The following HEMK2 variants were observed in gnomAD, a reference collection of about 807,000 sequenced individuals.
HEMK2 encodes the protein HemK methyltransferase 2, ETF1 glutamine and histone H4 lysine, also known as methyltransferase HEMK2.
the HEMK2 span, among the ~76,000 whole-genome samples, chr21:28,857,310 C>A: frequency 3.0e-4 from 45 of 151,536 alleles, no homozygotes; most frequent in African/African-American, 1.1e-3. Context: ...TAGAGGTTTT[C>A]CTGAAACCAA....
At chr21:28,831,603 G>GA in the HEMK2 span, among the ~76,000 whole-genome samples, 1 of 87,248 alleles carries the variant, frequency 1.1e-5, no homozygotes, top group Admixed American at 1.2e-4. Flanking sequence ...AAGAAGGAAA[G>GA]AAGGAAAGAA....
the HEMK2 span, among the ~76,000 whole-genome samples, chr21:28,723,708 T>C: frequency 6.6e-6 from 1 of 152,178 alleles, no homozygotes; most frequent in Non-Finnish European, 1.5e-5. Flanking sequence ...ATGGGACTGA[T>C]GAAATGAAGG....
the HEMK2 span, among the ~76,000 whole-genome samples, chr21:28,606,814 T>G: frequency 6.6e-6 from 1 of 152,308 alleles, no homozygotes; most frequent in African/African-American, 2.4e-5. Context: ...GAAGTAAAAT[T>G]GTTATAATTA....
chr21:28,871,529 A>C, the HEMK2 span, among the ~76,000 whole-genome samples: 2 of 152,242 alleles, frequency 1.3e-5, no homozygotes, highest in Non-Finnish European at 2.9e-5. Context: ...GAGTGGGGAC[A>C]CAAATCCAAA....
At chr21:28,733,096 G>A in the HEMK2 span, among the ~76,000 whole-genome samples, 1 of 152,018 alleles carries the variant, frequency 6.6e-6, no homozygotes, top group Non-Finnish European at 1.5e-5. Flanking sequence ...TGGCTAACAC[G>A]GTGAAACCCC....
At chr21:28,849,499 T>G in the HEMK2 span, among the ~76,000 whole-genome samples, 1 of 152,138 alleles carries the variant, frequency 6.6e-6, no homozygotes, top group Non-Finnish European at 1.5e-5. Flanking sequence ...CTGCACTAGT[T>G]CCCTAGCAGT....
the HEMK2 span, among the ~76,000 whole-genome samples, chr21:28,771,552 T>C: frequency 7.8e-6 from 1 of 128,110 alleles, no homozygotes; most frequent in Non-Finnish European, 1.6e-5. Flanking sequence ...TACTCCAAAA[T>C]GTCCACAGTG....
At chr21:28,604,006 G>A in the HEMK2 span, among the ~76,000 whole-genome samples, 1 of 152,196 alleles carries the variant, frequency 6.6e-6, no homozygotes, top group African/African-American at 2.4e-5. Flanking sequence ...AACTGCTATA[G>A]GGAGAGGTGA....
At chr21:28,770,663 C>T in the HEMK2 span, among the ~76,000 whole-genome samples, 1 of 148,982 alleles carries the variant, frequency 6.7e-6, no homozygotes, top group African/African-American at 2.4e-5. Context: ...GTTATAAAAG[C>T]AAGTTCAGCT....
chr21:28,843,475 C>T, the HEMK2 span, among the ~76,000 whole-genome samples: 9 of 152,046 alleles, frequency 5.9e-5, no homozygotes, highest in African/African-American at 1.4e-4. Context: ...AGTCCTTATC[C>T]GGGAATTCTG....
At chr21:28,779,884 A>T in the HEMK2 span, among the ~76,000 whole-genome samples, 15 of 150,148 alleles carry the variant, frequency 1.0e-4, no homozygotes, top group South Asian at 1.1e-3. Context: ...TCTTGTTTTT[A>T]AAAAAAAGCC....
the HEMK2 span, among the ~76,000 whole-genome samples, chr21:28,782,516 T>C: frequency 6.6e-6 from 1 of 152,164 alleles, no homozygotes; most frequent in South Asian, 2.1e-4. Flanking sequence ...AAATTATACC[T>C]ATTCAAAAGG....
the HEMK2 span, among the ~76,000 whole-genome samples, chr21:28,576,426 T>C: frequency 6.6e-6 from 1 of 152,122 alleles, no homozygotes; most frequent in African/African-American, 2.4e-5. Flanking sequence ...TATTTTAAAT[T>C]AGGTTTGTCT....
the HEMK2 span, among the ~76,000 whole-genome samples, chr21:28,877,432 G>A: frequency 2.0e-5 from 3 of 146,774 alleles, no homozygotes; most frequent in Admixed American, 6.8e-5. Flanking sequence ...GAAAGAGAGA[G>A]AGAAGGAAGG....
At chr21:28,588,628 C>A in the HEMK2 span, among the ~76,000 whole-genome samples, 2 of 152,052 alleles carry the variant, frequency 1.3e-5, no homozygotes, top group African/African-American at 4.8e-5. Context: ...AAAGAAAGAG[C>A]AACATAGATG....
chr21:28,704,246 A>C, the HEMK2 span, among the ~76,000 whole-genome samples: 1 of 152,130 alleles, frequency 6.6e-6, no homozygotes, highest in Admixed American at 6.5e-5. Flanking sequence ...TGGGGAATAT[A>C]ATTCAGACCA....
chr21:28,688,480 T>C, the HEMK2 span, among the ~76,000 whole-genome samples: 7 of 152,186 alleles, frequency 4.6e-5, no homozygotes, highest in Non-Finnish European at 1.0e-4. Context: ...TATTATATCC[T>C]GGACTCTTGA....
chr21:28,702,364 CA>C, the HEMK2 span, among the ~76,000 whole-genome samples: 1 of 151,742 alleles, frequency 6.6e-6, no homozygotes, highest in African/African-American at 2.4e-5. Context: ...TTCTTCACAG[CA>C]AAAGAAACTA....
At chr21:28,868,630 G>A in the HEMK2 span, among the ~76,000 whole-genome samples, 4 of 152,188 alleles carry the variant, frequency 2.6e-5, no homozygotes. Flanking sequence ...GTTGCCGTGA[G>A]CCAAGTTCAC....
Sources: gnomAD v4.1 joint callset for allele counts (sites outside exome capture counted in the v4.1 genomes callset) on GRCh38, gnomAD v4.1.1 for gene constraint, MANE v1.5 for transcripts, NCBI Gene and HGNC (gene_info 2026-07-23, HGNC 2026-07-21) for gene names.